Variants in KAZN observed in about 807,000 individuals in gnomAD.
KAZN encodes kazrin.
A neutral mutation model predicts 87.4 loss-of-function variants in KAZN; 40 were observed. The observed-to-expected ratio is 0.46, with a 90% CI of 0.36 to 0.60. KAZN has a LOEUF of 0.60. Among genes scored for constraint, KAZN ranks in the 20% least tolerant of loss-of-function variants. The pLI, the probability that KAZN is intolerant of heterozygous loss-of-function variation, is 0.00. For missense variants in KAZN, 898 were observed against 1,073.9 expected, an observed-to-expected ratio of 0.84 and a Z score of 2.29; for synonymous variants, 466 against 458.3, an observed-to-expected ratio of 1.02 and a Z score of -0.22.
At chr1:14,456,393 T>C (rs543717455) in intron 2 of KAZN, among the ~76,000 whole-genome samples, 2 of 152,330 alleles carry the variant, frequency 1.3e-5, no homozygotes, top group Non-Finnish European at 2.9e-5. Context: ...GTACTCTTAG[T>C]AGATATTCGA....
At chr1:14,254,893 C>T (rs983871839) in intron 2 of KAZN, among the ~76,000 whole-genome samples, 2 of 151,756 alleles carry the variant, frequency 1.3e-5, no homozygotes, top group African/African-American at 2.4e-5. Context: ...GAGGCTGAGG[C>T]GGGTGGATCA....
At chr1:14,676,913 C>T (rs1640255411) in intron 1 of KAZN, among the ~76,000 whole-genome samples, 1 of 152,036 alleles carries the variant, frequency 6.6e-6, no homozygotes, top group African/African-American at 2.4e-5. Context: ...TACTAAAAAC[C>T]ACTGAATTGT....
chr1:14,683,175 G>C (rs1055318974), intron 1 of KAZN, among the ~76,000 whole-genome samples: 2 of 152,184 alleles, frequency 1.3e-5, no homozygotes, highest in Non-Finnish European at 2.9e-5. Flanking sequence ...AAGCTGCCAA[G>C]AGTCTCAGTG....
At chr1:14,161,783 C>A (rs1413626927) in intron 1 of KAZN, among the ~76,000 whole-genome samples, 1 of 152,136 alleles carries the variant, frequency 6.6e-6, no homozygotes, top group Non-Finnish European at 1.5e-5. Context: ...ATCTCCAAAC[C>A]CCCCAAAATC....
intron 1 of KAZN, among the ~76,000 whole-genome samples, chr1:14,103,961 T>A (rs1371028382): frequency 6.6e-6 from 1 of 152,188 alleles, no homozygotes; most frequent in East Asian, 1.9e-4. Flanking sequence ...ATCTCTTTAC[T>A]GTGCAGGCAG....
intron 2 of KAZN, among the ~76,000 whole-genome samples, chr1:14,584,832 T>A (rs1363789064): frequency 6.6e-6 from 1 of 152,086 alleles, no homozygotes; most frequent in Non-Finnish European, 1.5e-5. Context: ...TAGGTAGAGA[T>A]GCGGTTTTCC....
In KAZN at chr1:14,598,829, C is replaced by T; in HGVS notation, c.-169C>T. On this transcript the variant is annotated 5_prime_UTR_variant, in exon 1 of 15. Coordinates refer to ENST00000376030, the MANE Select transcript of KAZN (RefSeq NM_201628.3). This position sits in a 1 kb window ranked among gnomAD's most constrained non-coding sequence, Gnocchi z 4.2. Reference sequence around the variant, plus strand: ...CGGCTAGGGCTGGAGGCGCCGCTGTCATTCCTGTGCCGGAGGAACCGGCGC... The same window carrying T: ...CGGCTAGGGCTGGAGGCGCCGCTGTTATTCCTGTGCCGGAGGAACCGGCGC... 2.2e-6 allele frequency: 3 copies of T among 1,383,722 alleles called. No individual in the cohort carries two copies. The highest frequency in any genetic ancestry group is 2.8e-6 in the Non-Finnish European group (3 of 1,074,384). The allele number at this position is 1,383,722 out of a possible 1,614,324, so 85.7% of individuals were successfully genotyped here.
At chr1:14,426,119 C>G (rs970580272) in intron 2 of KAZN, among the ~76,000 whole-genome samples, 1 of 152,228 alleles carries the variant, frequency 6.6e-6, no homozygotes, top group Non-Finnish European at 1.5e-5. Flanking sequence ...CTCAGCCTCA[C>G]TGGCCTTTAA....
chr1:14,433,867 A>G (rs957148245), intron 2 of KAZN, among the ~76,000 whole-genome samples: 2 of 151,974 alleles, frequency 1.3e-5, no homozygotes, highest in African/African-American at 4.8e-5. Context: ...CTCAAAAACA[A>G]AAAAAAAGGA....
chr1:14,415,915 A>T (rs1664717094), intron 2 of KAZN, among the ~76,000 whole-genome samples: 1 of 152,158 alleles, frequency 6.6e-6, no homozygotes, highest in Non-Finnish European at 1.5e-5. Flanking sequence ...CACCTCCATG[A>T]TGTCACTTTC....
chr1:14,695,388 A>T (rs1222830835), intron 1 of KAZN, among the ~76,000 whole-genome samples: 1 of 152,168 alleles, frequency 6.6e-6, no homozygotes, highest in South Asian at 2.1e-4. Flanking sequence ...CAAAAAGAAC[A>T]CTTGCCCACA....
In KAZN at chr1:14,261,462, C is replaced by T. The variant is rs541102470; in HGVS notation, c.249+80870C>T. On this transcript the variant is annotated intron_variant, in intron 2 of 16. Transcript: ENST00000636203. ...ATGGAGCTGAATGGTCCCCGGGGGC[C>T]AGATCAGATTTCTGATCATGAGTGT... is the stretch of plus-strand genomic sequence containing the variant. 8.6e-4 allele frequency among the ~76,000 whole-genome samples: 131 copies of T among 152,230 alleles called. 1 individual carries two copies. Among genetic ancestry groups the T allele is most frequent in the African/African-American group, 2.9e-3 (121 of 41,544 alleles).
At chr1:14,737,667 G>A (rs768765097) in intron 1 of KAZN, among the ~76,000 whole-genome samples, 2 of 152,216 alleles carry the variant, frequency 1.3e-5, no homozygotes, top group African/African-American at 2.4e-5. Context: ...TGCTGGCTGA[G>A]CTGCATTTCT....
intron 1 of KAZN, among the ~76,000 whole-genome samples, chr1:14,121,727 G>A (rs954034205): frequency 6.6e-6 from 1 of 152,142 alleles, no homozygotes; most frequent in African/African-American, 2.4e-5. Flanking sequence ...AATGTTAGAA[G>A]GTGTAAGTTC....
intron 7 of KAZN, 26 bp from the exon 8 acceptor site, chr1:15,065,604 C>T: frequency 6.3e-7 from 1 of 1,584,034 alleles, no homozygotes; most frequent in Non-Finnish European, 8.6e-7. Flanking sequence ...CCCCCACCCT[C>T]TTCCACGTGG....
rs185985129 is a variant in KAZN, at chr1:14,748,322, C to T, written c.226+149099C>T. On this transcript the variant is annotated intron_variant, in intron 1 of 14. Transcript: ENST00000376030. ...CTTTAGCTCACAGGAATGCAAGGAA[C>T]TTAGCTCATTCATTGGCGTTTCCTC... 2.9e-3 allele frequency among the ~76,000 whole-genome samples: 447 copies of T among 152,310 alleles called. 4 individuals are homozygous for T. Among genetic ancestry groups the T allele is most frequent in the African/African-American group, 0.01 (421 of 41,556 alleles).
At chr1:15,026,838 A>G (rs1198254065) in intron 2 of KAZN, among the ~76,000 whole-genome samples, 1 of 152,220 alleles carries the variant, frequency 6.6e-6, no homozygotes, top group Non-Finnish European at 1.5e-5. Flanking sequence ...TACATTGTAT[A>G]AAGTATTATA....
intron 2 of KAZN, among the ~76,000 whole-genome samples, chr1:14,227,586 A>G (rs1299040151): frequency 1.3e-5 from 2 of 152,130 alleles, no homozygotes; most frequent in Non-Finnish European, 2.9e-5. Flanking sequence ...ATCTTTCATG[A>G]CTTAGCCTCC....
chr1:14,797,926 A>G (rs571353619), intron 1 of KAZN, among the ~76,000 whole-genome samples: 1 of 152,342 alleles, frequency 6.6e-6, no homozygotes, highest in African/African-American at 2.4e-5. Context: ...CACGATGCCC[A>G]CGATGTGCCA....
Sources: allele counts gnomAD v4.1 joint callset (sites outside exome capture counted in the v4.1 genomes callset), GRCh38; gene constraint gnomAD v4.1.1; non-coding constraint Gnocchi (gnomAD v3.1); transcripts MANE v1.5; gene names NCBI Gene and HGNC (gene_info 2026-07-23, HGNC 2026-07-21).